Variants in PKHD1L1 observed in about 807,000 individuals in gnomAD.
PKHD1L1 encodes PKHD1 like 1.
In PKHD1L1, 434 loss-of-function variants were observed where a neutral mutation model predicts 462.9. That is an observed-to-expected ratio of 0.94 (90% confidence interval 0.87 to 1.02). The LOEUF (loss-of-function observed/expected upper bound fraction) is 1.02. PKHD1L1 is among the 50% of genes least tolerant of loss of function. The pLI is 0.00. For synonymous variants in PKHD1L1, 1,781 were observed against 1,750.0 expected (o/e 1.02, Z -0.44); for missense variants, 5,202 against 5,096.1 (o/e 1.02, Z -0.63).
chr8:109,506,496 G>T (rs1297810466), intron 68 of PKHD1L1, among the ~76,000 whole-genome samples: 1 of 152,100 alleles, frequency 6.6e-6, no homozygotes, highest in Non-Finnish European at 1.5e-5. Context: ...CCTTTTGAGA[G>T]GATTCTTTTG....
At chr8:109,509,491 A>C (rs917794363) in intron 70 of PKHD1L1, among the ~76,000 whole-genome samples, 2 of 151,688 alleles carry the variant, frequency 1.3e-5, no homozygotes, top group African/African-American at 4.8e-5. Context: ...AGTCTTATGT[A>C]AATGATAGCA....
chr8:109,489,350 G>A (rs1818712310), intron 59 of PKHD1L1, among the ~76,000 whole-genome samples: 1 of 151,860 alleles, frequency 6.6e-6, no homozygotes, highest in South Asian at 2.1e-4. Context: ...CATATTGCCT[G>A]TTATGCATTT....
intron 21 of PKHD1L1, among the ~76,000 whole-genome samples, chr8:109,414,852 T>C (rs1024083280): frequency 6.6e-6 from 1 of 151,006 alleles, no homozygotes; most frequent in Non-Finnish European, 1.5e-5. Flanking sequence ...GAGAGTAGAG[T>C]AGTTAGATGG....
chr8:109,462,149 A>T (rs76457922), intron 48 of PKHD1L1, among the ~76,000 whole-genome samples: 3,629 of 152,216 alleles, frequency 0.024, 136 homozygotes, highest in African/African-American at 0.084. Context: ...TGCTGTAACC[A>T]GAATCCAGTC....
chr8:109,407,062 G>A (rs1282155670), intron 17 of PKHD1L1, among the ~76,000 whole-genome samples: 1 of 152,034 alleles, frequency 6.6e-6, no homozygotes, highest in African/African-American at 2.4e-5. Flanking sequence ...TGGAAATATT[G>A]ACATAGACAT....
chr8:109,502,071 C>T (rs538016080), intron 67 of PKHD1L1, among the ~76,000 whole-genome samples: 1 of 152,030 alleles, frequency 6.6e-6, no homozygotes, highest in African/African-American at 2.4e-5. Context: ...CACCACACCA[C>T]ACCATACCAC....
chr8:109,486,878 TG>T (rs1457615218), intron 59 of PKHD1L1, 57 bp downstream of exon 59: 36 of 1,467,320 alleles, frequency 2.5e-5, no homozygotes, highest in Non-Finnish European at 3.4e-5. Context: ...CTCATCTATA[TG>T]TAGTCAGCTC....
At chr8:109,517,242 C>T (rs1820316436) in intron 72 of PKHD1L1, among the ~76,000 whole-genome samples, 1 of 152,096 alleles carries the variant, frequency 6.6e-6, no homozygotes. Context: ...TTTGCTTTGG[C>T]ACTTGGCATG....
chr8:109,452,987 T>C (rs1045420812), intron 43 of PKHD1L1, 113 bp downstream of exon 43: 2 of 906,686 alleles, frequency 2.2e-6, no homozygotes, highest in African/African-American at 1.7e-5. Context: ...CTTTTTAATA[T>C]ACAGTGTAGT....
chr8:109,475,102 C>T lies in PKHD1L1; in HGVS notation c.8606-16C>T. On this transcript the variant is annotated splice_polypyrimidine_tract_variant and intron_variant, in intron 50 of 77. Coordinates refer to ENST00000378402, the MANE Select transcript of PKHD1L1 (RefSeq NM_177531.6). ...TAGAGATTACTATTATTTTCTTGTT[C>T]TATGTTCTCCTATAGGCACAAGCAT... 6.3e-7 allele frequency: 1 copy of T among 1,579,114 alleles called. No homozygotes were observed. The highest frequency in any genetic ancestry group is 8.6e-7 in the Non-Finnish European group (1 of 1,165,768).
intron 12 of PKHD1L1, 126 bp downstream of exon 12, chr8:109,398,674 G>A: frequency 2.4e-6 from 1 of 411,152 alleles, no homozygotes; most frequent in East Asian, 4.4e-5. Flanking sequence ...TTTCCTCCAA[G>A]TTTTAAAATT....
intron 2 of PKHD1L1, among the ~76,000 whole-genome samples, chr8:109,371,402 T>C (rs1169102673): frequency 1.4e-4 from 22 of 151,736 alleles, no homozygotes; most frequent in Non-Finnish European, 1.8e-4. Context: ...TTCTGGATAT[T>C]AGCCCTTTGT....
In PKHD1L1 at chr8:109,433,126, A is replaced by G. The variant is rs1373447522; in HGVS notation, c.3250A>G (p.Ile1084Val). 2 of 1,613,268 alleles carry G rather than the reference A, an allele frequency of 1.2e-6. No homozygotes were observed. Among genetic ancestry groups the G allele is most frequent in the Non-Finnish European group, 1.7e-6 (2 of 1,179,402 alleles). The stretch of plus-strand genomic sequence containing the variant: ...TTTAGGGTCCTATGAAGAAGGCACA[A>G]TTCTAACCATAGTGGGTTCTGGATT... Reference protein sequence around the residue: ...PSQGSYEEGTILTIVGSGFSP... With the variant: ...PSQGSYEEGTVLTIVGSGFSP... Residue 1084 changes from isoleucine (I) to valine (V), a missense_variant, in exon 28 of 78, where the codon ATT becomes GTT. By Grantham distance (29) the Ile-to-Val change is conservative. Around this residue, in one of 3 missense-constraint regions of PKHD1L1, gnomAD observed 4,497 missense variants for 4,336.8 expected, o/e 1.04. Transcript: ENST00000378402.
chr8:109,427,530 C>T (rs1278890402), intron 25 of PKHD1L1, among the ~76,000 whole-genome samples: 1 of 152,046 alleles, frequency 6.6e-6, no homozygotes, highest in Non-Finnish European at 1.5e-5. Flanking sequence ...ATCATTCTAC[C>T]ACGAGAGCTG....
intron 3 of PKHD1L1, 83 bp from the exon 4 acceptor site, chr8:109,382,380 T>C: frequency 9.0e-7 from 1 of 1,113,148 alleles, no homozygotes; most frequent in Non-Finnish European, 1.2e-6. Flanking sequence ...TAGCCTGCAG[T>C]CTGGGGCAGT....
At position 109,454,831 on chromosome 8, in the gene PKHD1L1, G is replaced by A. The variant is rs865951739; in HGVS notation, c.6853G>A (p.Glu2285Lys). 1.2e-6 allele frequency: 2 copies of A among 1,613,784 alleles called. No homozygotes were observed. Among genetic ancestry groups the A allele is most frequent in the Middle Eastern group, 1.7e-4 (1 of 6,060 alleles). The part of the protein sequence containing the change: ...VYGAKTLAVR[E>K]GILDLHGVPV... ...TGGTGCCAAAACACTGGCTGTGCGG[G>A]AGGGAATCCTGGATCTGCACGGTAC... is the stretch of plus-strand genomic sequence containing the variant. The change falls in exon 45 of 78, where the codon GAG (glutamate) becomes AAG (lysine). Residue 2285 changes from glutamate to lysine, a missense_variant. This residue lies in a region of PKHD1L1 where 4,497 missense variants were observed against 4,336.8 expected (regional missense o/e 1.04). Coordinates refer to ENST00000378402, the MANE Select transcript of PKHD1L1 (RefSeq NM_177531.6).
chr8:109,517,395 C>T (rs532224072), intron 72 of PKHD1L1, among the ~76,000 whole-genome samples: 11 of 152,252 alleles, frequency 7.2e-5, no homozygotes, highest in African/African-American at 2.4e-4. Context: ...GTAAGCCTCA[C>T]AATGAAATGT....
rs267601720 is a variant in PKHD1L1, at chr8:109,466,622, C to A, written c.8458C>A (p.Pro2820Thr). Reference protein sequence around the residue: ...TVIPHSSLLDPSHCTQEAEWS... With the variant: ...TVIPHSSLLDTSHCTQEAEWS... ...CATTCCACACAGCTCATTGCTAGAC[C>A]CTTCTCATTGTACTCAGGAAGCTGA... The change falls in exon 50 of 78, where the codon CCT (proline) becomes ACT (threonine). Residue 2820 changes from proline (P) to threonine (T), a missense_variant. By Grantham distance (38) the Pro-to-Thr change is conservative. Coordinates refer to ENST00000378402, the MANE Select transcript of PKHD1L1 (RefSeq NM_177531.6). The A allele has an allele frequency of 1.2e-6, 2 of 1,610,064 alleles. No individual in the cohort carries two copies. The highest frequency in any genetic ancestry group is 8.5e-7 in the Non-Finnish European group (1 of 1,178,126).
At chr8:109,395,702 A>G (rs551643162) in intron 10 of PKHD1L1, among the ~76,000 whole-genome samples, 1 of 152,328 alleles carries the variant, frequency 6.6e-6, no homozygotes, top group South Asian at 2.1e-4. Context: ...TCAAGAGCAT[A>G]TGGAAGAAGA....
Sources: allele counts gnomAD v4.1 joint callset (sites outside exome capture counted in the v4.1 genomes callset), GRCh38; gene constraint gnomAD v4.1.1; regional missense constraint gnomAD v4.1.1; transcripts MANE v1.5; gene names NCBI Gene and HGNC (gene_info 2026-07-23, HGNC 2026-07-21).